The following KCNH2 variants were observed in gnomAD, a reference collection of about 807,000 sequenced individuals.
The protein encoded by KCNH2 is potassium voltage-gated channel subfamily H member 2.
A neutral mutation model predicts 95.9 loss-of-function variants in KCNH2; 35 were observed. The observed-to-expected ratio is 0.37, with a 90% CI of 0.28 to 0.48. KCNH2 has a LOEUF of 0.48. Ranked by LOEUF, KCNH2 falls within the 20% of genes least tolerant of loss-of-function variation. The pLI, the probability that KCNH2 is intolerant of heterozygous loss-of-function variation, is 0.99. For synonymous variants in KCNH2, 786 were observed against 754.7 expected (o/e 1.04, Z -0.68); for missense variants, 1,274 against 1,702.9 (o/e 0.75, Z 4.43).
intron 12 of KCNH2, 31 bp downstream of exon 12, chr7:150,947,575 T>C (rs765588324): frequency 6.2e-7 from 1 of 1,609,422 alleles, no homozygotes; most frequent in South Asian, 1.1e-5. Flanking sequence ...CCACGCCCGG[T>C]CCTCCCTCGC....
chr7:150,969,638 C>A (rs1801788792), intron 2 of KCNH2, among the ~76,000 whole-genome samples: 1 of 152,252 alleles, frequency 6.6e-6, no homozygotes, highest in Admixed American at 6.5e-5. Flanking sequence ...TTCATTCATT[C>A]ATTCAGCAAA....
intron 2 of KCNH2, among the ~76,000 whole-genome samples, chr7:150,973,118 G>A (rs139775889): frequency 5.9e-5 from 9 of 152,354 alleles, no homozygotes; most frequent in African/African-American, 2.2e-4. Flanking sequence ...AACTTGTCCA[G>A]TAGTGTATAA....
chr7:150,947,595 G>A lies in KCNH2; in HGVS notation c.2965+11C>T, dbSNP rs770052290. ...CCCGGTCCTCCCTCGCCCGCCCGTC[G>A]CCCGGGATACCTGACAGGGGGTTGC... On this transcript the variant is annotated intron_variant, in intron 12 of 14. Transcript: ENST00000262186. The A allele has an allele frequency of 2.3e-5, 37 of 1,611,734 alleles. No homozygotes were observed. Among genetic ancestry groups the A allele is most frequent in the East Asian group, 1.8e-4 (8 of 44,800 alleles).
At chr7:150,972,935 C>T (rs765073453) in intron 2 of KCNH2, among the ~76,000 whole-genome samples, 8 of 152,174 alleles carry the variant, frequency 5.3e-5, no homozygotes, top group Non-Finnish European at 1.0e-4. Context: ...AGCCCTCAGC[C>T]GCTGCTGCCA....
rs41313080 is a variant in KCNH2, at chr7:150,955,272, C to T, written c.1128+2019G>A. Reference sequence around the variant, plus strand: ...CGCGGGTGAGCAGGGCCAGGCCCCACGGCTCCCAAAGCTTCCTACTTCCCA... The same window carrying T: ...CGCGGGTGAGCAGGGCCAGGCCCCATGGCTCCCAAAGCTTCCTACTTCCCA... On this transcript the variant is annotated intron_variant, in intron 5 of 14. Coordinates refer to ENST00000262186, the MANE Select transcript of KCNH2 (RefSeq NM_000238.4). 8,850 of 993,970 alleles carry T rather than the reference C, an allele frequency of 8.9e-3. 52 individuals are homozygous for T. The highest frequency in any genetic ancestry group is 0.01 in the Non-Finnish European group (6,713 of 643,124). The allele number at this position is 993,970 out of a possible 1,614,324, so 61.6% of individuals were successfully genotyped here. A position where few individuals can be genotyped will look rare whatever the true frequency, so the allele number is the denominator to read the frequency against.
rs199767579 is a variant in KCNH2, at chr7:150,947,417, G to A, written c.3063C>T (p.Ser1021=). ...GGCTGGAGAGGGGGATGTTGAGGAGGCTGGGGGTGGGGGCGGGGCATCGAG... is the reference window on the plus strand; with the variant it reads ...GGCTGGAGAGGGGGATGTTGAGGAGACTGGGGGTGGGGGCGGGGCATCGAG... ...ELPRCPAPTP[S]LLNIPLSSPG... Residue 1021 remains serine (S), a synonymous_variant, in exon 13 of 15, where the codon AGC becomes AGT. Transcript: ENST00000262186. The A allele has an allele frequency of 1.3e-4, 195 of 1,553,608 alleles. No homozygotes were observed. The East Asian group carries it at 1.3e-3, about 10-fold the overall frequency.
At chr7:150,947,945 G>A in intron 11 of KCNH2, 67 bp from the exon 12 acceptor site, 1 of 1,477,432 alleles carries the variant, frequency 6.8e-7, no homozygotes, top group East Asian at 2.5e-5. Context: ...GAGGGTGGAG[G>A]AGGGGACAGG....
At chr7:150,971,076 C>T (rs539175232) in intron 2 of KCNH2, among the ~76,000 whole-genome samples, 16 of 152,270 alleles carry the variant, frequency 1.1e-4, no homozygotes, top group South Asian at 8.3e-4. Flanking sequence ...AAGAGCAGGG[C>T]GTCTGATTTA....
In KCNH2 at chr7:150,957,384, G is replaced by A. The variant is rs576125279; in HGVS notation, c.1035C>T (p.Gly345=). 15 of 1,614,094 alleles carry A rather than the reference G, an allele frequency of 9.3e-6. No individual in the cohort carries two copies. The highest frequency in any genetic ancestry group is 2.2e-5 in the East Asian group (1 of 44,882). Residue 345 remains glycine, a synonymous_variant, in exon 5 of 15, where the codon GGC becomes GGT. Coordinates refer to ENST00000262186, the MANE Select transcript of KCNH2 (RefSeq NM_000238.4). ...TGGTGGGCGAAGCCAAGAAGGGGTC[G>A]CCCTTGAGGTCCACAAAGTTGAGGG... ...QITLNFVDLK[G]DPFLASPTSD... is the part of the protein sequence containing the mutation.
At position 150,946,558 on chromosome 7, in the gene KCNH2, C is replaced by G. The variant is rs895809242; in HGVS notation, c.3330+319G>C. ...CGTGAGACAGGCACCACCGTTGGAG[C>G]TGGCTCTTCAGGCGATGCTCCGGGG... On this transcript the variant is annotated intron_variant, in intron 14 of 14. Transcript: ENST00000262186. This position sits in a 1 kb window ranked among gnomAD's most constrained non-coding sequence, Gnocchi z 6.5. 1.3e-5 allele frequency among the ~76,000 whole-genome samples: 2 copies of G among 152,212 alleles called. No homozygotes were observed. Among genetic ancestry groups the G allele is most frequent in the Non-Finnish European group, 1.5e-5 (1 of 68,042 alleles).
At position 150,946,069 on chromosome 7, in the gene KCNH2, C is replaced by T. The variant is rs1165971645; in HGVS notation, c.3331-555G>A. On this transcript the variant is annotated intron_variant, in intron 14 of 14. Coordinates refer to ENST00000262186, the MANE Select transcript of KCNH2 (RefSeq NM_000238.4). The surrounding 1 kb of genome is among the most constrained non-coding windows in gnomAD (Gnocchi z 6.5). ...GAAGGGAGACTGGCACATTTGCTGA[C>T]GTGGGCCCTCGTGTCTGCAAACAGG... Among the ~76,000 whole-genome samples, 1 of 152,012 alleles carries T rather than the reference C, an allele frequency of 6.6e-6. No homozygotes were observed. Among genetic ancestry groups the T allele is most frequent in the South Asian group, 2.1e-4 (1 of 4,824 alleles).
intron 2 of KCNH2, 100 bp downstream of exon 2, chr7:150,974,611 G>GCCCCCCCC (rs1801923911): frequency 7.5e-6 from 6 of 795,728 alleles, no homozygotes; most frequent in South Asian, 5.2e-5. Context: ...TTCTCCAGCC[G>GCCCCCCCC]CCCCCACACC....
Position 150,952,630 on chromosome 7 carries a change from G to A in KCNH2, c.1352C>T (p.Pro451Leu), listed in dbSNP as rs199472902. 21 of 1,614,050 alleles carry A rather than the reference G, an allele frequency of 1.3e-5. No individual in the cohort carries two copies. The highest frequency in any genetic ancestry group is 2.2e-5 in the East Asian group (1 of 44,882). Residue 451 changes from proline (P) to leucine (L), a missense_variant, in exon 6 of 15, where the codon CCG (proline) becomes CTG (leucine). Pro to Leu is a moderately conservative substitution (Grantham distance 98). This residue lies in a region of KCNH2 where 147 missense variants were observed against 344.4 expected (regional missense o/e 0.43). Coordinates refer to ENST00000262186, the MANE Select transcript of KCNH2 (RefSeq NM_000238.4). This position sits in a 1 kb window ranked among gnomAD's most constrained non-coding sequence, Gnocchi z 7.3. Reference sequence around the variant, plus strand: ...CACGATGAGGTCCACCACAGCCAGCGGCTGGCAGGCGTAGCCACACTCGGT... The same window carrying A: ...CACGATGAGGTCCACCACAGCCAGCAGCTGGCAGGCGTAGCCACACTCGGT... ...PATECGYACQ[P>L]LAVVDLIVDI...
At position 150,957,505 on chromosome 7, in the gene KCNH2, A is replaced by G; in HGVS notation, c.917-3T>C. ...GCTGCGCAGTGGGTGCATGGCCCCT[A>G]GGTGGAGAGGCAGCGTGGTCAGGCC... is the stretch of plus-strand genomic sequence containing the variant. On this transcript the variant is annotated splice_region_variant and splice_polypyrimidine_tract_variant and intron_variant, in intron 4 of 14. Transcript: ENST00000262186. 1.2e-6 allele frequency: 2 copies of G among 1,607,742 alleles called. No individual in the cohort carries two copies.
At chr7:150,973,140 G>A (rs1801882855) in intron 2 of KCNH2, among the ~76,000 whole-genome samples, 1 of 152,220 alleles carries the variant, frequency 6.6e-6, no homozygotes, top group South Asian at 2.1e-4. Flanking sequence ...TTCCAGCATT[G>A]TCTTAGACAC....
At chr7:150,948,723 G>T in intron 10 of KCNH2, 133 bp downstream of exon 10, 2 of 1,082,096 alleles carry the variant, frequency 1.8e-6, no homozygotes, top group East Asian at 2.6e-5. Context: ...ACTTTTGTAG[G>T]CTGCTCTATG....
rs145740426 is a variant in KCNH2, at chr7:150,974,157, G to C, written c.307+554C>G. On this transcript the variant is annotated intron_variant, in intron 2 of 14. Transcript: ENST00000262186. ...CTGAGACAAAGGGAACTGAGGTTGCGGGGAGAGGCACGCACCTCCCCCAGG... is the reference window on the plus strand; with the variant it reads ...CTGAGACAAAGGGAACTGAGGTTGCCGGGAGAGGCACGCACCTCCCCCAGG... Among the ~76,000 whole-genome samples the C allele has an allele frequency of 1.3e-5, 2 of 152,106 alleles. 1 individual carries two copies. Among genetic ancestry groups the C allele is most frequent in the African/African-American group, 4.8e-5 (2 of 41,426 alleles).
intron 5 of KCNH2, among the ~76,000 whole-genome samples, chr7:150,956,707 A>G (rs1329062763): frequency 6.6e-6 from 1 of 152,144 alleles, no homozygotes; most frequent in South Asian, 2.1e-4. Flanking sequence ...CCACCTCCCT[A>G]TGAGAAGAAA....
At chr7:150,949,547 G>A (rs1009984066) in intron 9 of KCNH2, 2 of 914,368 alleles carry the variant, frequency 2.2e-6, no homozygotes, top group African/African-American at 1.8e-5. Flanking sequence ...TTAGTTTTGT[G>A]GGGGTGTGTA....
Sources: allele counts gnomAD v4.1 joint callset (sites outside exome capture counted in the v4.1 genomes callset), GRCh38; gene constraint gnomAD v4.1.1; regional missense constraint gnomAD v4.1.1; non-coding constraint Gnocchi (gnomAD v3.1); transcripts MANE v1.5; gene names NCBI Gene and HGNC (gene_info 2026-07-23, HGNC 2026-07-21).